The following EXOC6B variants were observed in gnomAD, a reference collection of about 807,000 sequenced individuals.
The protein encoded by EXOC6B is SEC15 homolog B.
In EXOC6B, 54 loss-of-function variants were observed where a neutral mutation model predicts 113.5. The observed-to-expected ratio is 0.48, with a 90% CI of 0.38 to 0.60. EXOC6B has a LOEUF of 0.60. Ranked by LOEUF, EXOC6B falls within the 20% of genes least tolerant of loss-of-function variation. EXOC6B has a pLI of 0.00. For missense variants in EXOC6B, 797 were observed against 977.5 expected, an observed-to-expected ratio of 0.82 and a Z score of 2.46; for synonymous variants, 357 against 339.0, an observed-to-expected ratio of 1.05 and a Z score of -0.58.
chr2:72,511,916 C>T (rs1700923132), intron 11 of EXOC6B, among the ~76,000 whole-genome samples: 1 of 152,010 alleles, frequency 6.6e-6, no homozygotes, highest in Admixed American at 6.6e-5. Context: ...CTAGCTAGCA[C>T]AACTAGATGG....
intron 19 of EXOC6B, among the ~76,000 whole-genome samples, chr2:72,338,964 T>TAC (rs1369428147): frequency 1.3e-4 from 15 of 114,440 alleles, no homozygotes; most frequent in African/African-American, 1.9e-4. Flanking sequence ...CACATACACA[T>TAC]ACATACACAT....
At chr2:72,324,707 G>A (rs1572914655) in intron 20 of EXOC6B, among the ~76,000 whole-genome samples, 1 of 152,096 alleles carries the variant, frequency 6.6e-6, no homozygotes, top group Non-Finnish European at 1.5e-5. Flanking sequence ...GTAACGTAAG[G>A]TCTGCTCAGT....
At chr2:72,382,176 AG>A (rs1691718015) in intron 18 of EXOC6B, among the ~76,000 whole-genome samples, 1 of 152,232 alleles carries the variant, frequency 6.6e-6, no homozygotes, top group South Asian at 2.1e-4. Context: ...TAAACCCACC[AG>A]AGACCTAGGA....
intron 1 of EXOC6B, among the ~76,000 whole-genome samples, chr2:72,800,598 GT>G (rs1685223282): frequency 6.6e-6 from 1 of 152,094 alleles, no homozygotes; most frequent in South Asian, 2.1e-4. Flanking sequence ...CAACAGCCTT[GT>G]AAGACAGCTC....
chr2:72,489,828 G>A (rs1174564156), intron 16 of EXOC6B, among the ~76,000 whole-genome samples: 1 of 152,098 alleles, frequency 6.6e-6, no homozygotes, highest in Non-Finnish European at 1.5e-5. Flanking sequence ...TGCTAAAACT[G>A]AAAGGTAATT....
intron 1 of EXOC6B, among the ~76,000 whole-genome samples, chr2:72,802,679 T>C (rs767289927): frequency 4.6e-5 from 7 of 152,176 alleles, no homozygotes; most frequent in Admixed American, 2.0e-4. Context: ...CCTTTTCATC[T>C]TGGGAAAAAA....
chr2:72,490,592 AAAAC>A (rs780990563), intron 16 of EXOC6B, among the ~76,000 whole-genome samples: 7 of 152,162 alleles, frequency 4.6e-5, no homozygotes, highest in Non-Finnish European at 1.0e-4. Flanking sequence ...CATAATAGCC[AAAAC>A]AAACAAAAGC....
At chr2:72,480,578 A>G in intron 17 of EXOC6B, 38 bp downstream of exon 17, 1 of 1,542,140 alleles carries the variant, frequency 6.5e-7, no homozygotes, top group Non-Finnish European at 8.8e-7. Context: ...GACTGTGTAC[A>G]CCAGAAGCAG....
rs570746720 is a variant in EXOC6B, at chr2:72,287,673, T to A, written c.2196+47274A>T. 6.6e-5 allele frequency among the ~76,000 whole-genome samples: 10 copies of A among 152,138 alleles called. No homozygotes were observed. In the South Asian group the frequency reaches 2.1e-3, roughly 32 times the overall value. ...AATGAGAGAATATTATGAATGACTT[T>A]ATGCCAACAGATTTGGAAATTTAGA... On this transcript the variant is annotated intron_variant, in intron 20 of 21. Transcript: ENST00000272427.
intron 6 of EXOC6B, among the ~76,000 whole-genome samples, chr2:72,602,775 C>G (rs1210779990): frequency 2.6e-5 from 4 of 152,128 alleles, no homozygotes; most frequent in Non-Finnish European, 5.9e-5. Context: ...AAATTCAAAA[C>G]GAGCAGTCTG....
At chr2:72,591,501 A>C (rs1205521523) in intron 6 of EXOC6B, among the ~76,000 whole-genome samples, 1 of 152,190 alleles carries the variant, frequency 6.6e-6, no homozygotes, top group Middle Eastern at 3.2e-3. Flanking sequence ...AAAAGAGTAC[A>C]AAGTTAACAA....
chr2:72,584,933 C>T (rs1047598650), intron 6 of EXOC6B, among the ~76,000 whole-genome samples: 6 of 152,104 alleles, frequency 3.9e-5, no homozygotes, highest in Non-Finnish European at 7.4e-5. Context: ...CAAACCAAGA[C>T]AGAAATCAAA....
At chr2:72,537,639 T>C (rs1474716335) in intron 8 of EXOC6B, among the ~76,000 whole-genome samples, 1 of 151,832 alleles carries the variant, frequency 6.6e-6, no homozygotes, top group African/African-American at 2.4e-5. Context: ...TCTCAAAAAA[T>C]ACATATATAT....
intron 8 of EXOC6B, among the ~76,000 whole-genome samples, chr2:72,529,434 T>C (rs895483142): frequency 3.3e-5 from 5 of 152,226 alleles, no homozygotes; most frequent in African/African-American, 9.6e-5. Flanking sequence ...TCCTTTTCTA[T>C]ATTAATTTTA....
intron 6 of EXOC6B, among the ~76,000 whole-genome samples, chr2:72,626,610 T>C (rs985737254): frequency 1.3e-5 from 2 of 152,168 alleles, no homozygotes; most frequent in African/African-American, 4.8e-5. Context: ...GCTATTTATA[T>C]ACCATCATGT....
At chr2:72,648,436 A>G (rs1673906100) in intron 6 of EXOC6B, among the ~76,000 whole-genome samples, 1 of 152,210 alleles carries the variant, frequency 6.6e-6, no homozygotes, top group Non-Finnish European at 1.5e-5. Flanking sequence ...CTGGGTATAT[A>G]CCCAAAGGAT....
At chr2:72,750,902 T>G (rs2104853432) in intron 1 of EXOC6B, among the ~76,000 whole-genome samples, 1 of 152,006 alleles carries the variant, frequency 6.6e-6, no homozygotes, top group African/African-American at 2.4e-5. Context: ...GTATCAAAAG[T>G]CATAAAACAT....
At chr2:72,400,311 C>A (rs1693053615) in intron 18 of EXOC6B, among the ~76,000 whole-genome samples, 1 of 152,028 alleles carries the variant, frequency 6.6e-6, no homozygotes, top group African/African-American at 2.4e-5. Flanking sequence ...AAATGCAAGA[C>A]CTGAAACCAC....
In EXOC6B at chr2:72,633,136, A is replaced by G. The variant is rs575206470; in HGVS notation, c.670-57468T>C. Among the ~76,000 whole-genome samples the G allele has an allele frequency of 3.9e-5, 6 of 152,340 alleles. No homozygotes were observed. The South Asian group carries it at 1.0e-3, about 26-fold the overall frequency. ...TTTTACCACTCATTGCAAAATACAA[A>G]TTCTGCCTTTGTGATCAAATATTAA... On this transcript the variant is annotated intron_variant, in intron 6 of 21. Transcript: ENST00000272427.
Sources: gnomAD v4.1 joint callset for allele counts (sites outside exome capture counted in the v4.1 genomes callset) on GRCh38, gnomAD v4.1.1 for gene constraint, MANE v1.5 for transcripts, NCBI Gene and HGNC (gene_info 2026-07-23, HGNC 2026-07-21) for gene names.